RNF145: variants seen among roughly 807,000 people sequenced by gnomAD.
The protein encoded by RNF145 is ring finger protein 145.
A neutral mutation model predicts 57.3 loss-of-function variants in RNF145; 12 were observed. That is an observed-to-expected ratio of 0.21 (90% CI 0.13 to 0.34). RNF145 has a LOEUF of 0.34. Among genes scored for constraint, RNF145 ranks in the 10% least tolerant of loss-of-function variants. RNF145 has a pLI of 1.00. For synonymous variants in RNF145, 262 were observed against 288.3 expected (o/e 0.91, Z 0.92); for missense variants, 429 against 799.0 (o/e 0.54, Z 5.58).
At chr5:159,176,533 T>C in intron 5 of RNF145, 99 bp downstream of exon 5, 1 of 724,628 alleles carries the variant, frequency 1.4e-6, no homozygotes, top group South Asian at 2.0e-5. Flanking sequence ...CAAAAATGAA[T>C]GGTACCATAA....
chr5:159,206,190 C>CGACT (rs1785874452), intron 1 of RNF145, among the ~76,000 whole-genome samples: 1 of 152,154 alleles, frequency 6.6e-6, no homozygotes. Flanking sequence ...ACTACATAGT[C>CGACT]AACTCGAGAC....
At chr5:159,187,980 C>T (rs1489214609) in intron 3 of RNF145, among the ~76,000 whole-genome samples, 1 of 152,176 alleles carries the variant, frequency 6.6e-6, no homozygotes, top group African/African-American at 2.4e-5. Context: ...AGAATGAAAA[C>T]AGTATTACTT....
intron 4 of RNF145, among the ~76,000 whole-genome samples, chr5:159,181,198 T>C (rs764344395): frequency 6.6e-6 from 1 of 151,306 alleles, no homozygotes; most frequent in Non-Finnish European, 1.5e-5. Flanking sequence ...AAAAAGATGT[T>C]CCAGGGTGAG....
At position 159,168,958 on chromosome 5, in the gene RNF145, G is replaced by A; in HGVS notation, c.1036C>T (p.Leu346Phe). 6.2e-7 allele frequency: 1 copy of A among 1,610,350 alleles called. No individual in the cohort carries two copies. The highest frequency in any genetic ancestry group is 8.5e-7 in the Non-Finnish European group (1 of 1,179,066). Residue 346 changes from leucine (L) to phenylalanine (F), a missense_variant, in exon 8 of 11, where the codon CTT becomes TTT. By Grantham distance (22) the Leu-to-Phe change is conservative. This residue lies in a region of RNF145 where 216 missense variants were observed against 457.6 expected (regional missense o/e 0.47). Transcript: ENST00000424310. The part of the protein sequence containing the change: ...VHRAFLLSII[L>F]FIVVASILQS... ...AGGATAGAAGCTACGACAATGAAAAGGATAATACTGAGCAAGAATGCCCGA... is the reference window on the plus strand; with the variant it reads ...AGGATAGAAGCTACGACAATGAAAAAGATAATACTGAGCAAGAATGCCCGA...
At chr5:159,198,479 A>G (rs1280190812) in intron 2 of RNF145, among the ~76,000 whole-genome samples, 1 of 152,176 alleles carries the variant, frequency 6.6e-6, no homozygotes, top group African/African-American at 2.4e-5. Flanking sequence ...TGGAGCTGCC[A>G]GTCAGCCATG....
chr5:159,171,144 T>C (rs1275458583), intron 6 of RNF145, among the ~76,000 whole-genome samples: 1 of 152,214 alleles, frequency 6.6e-6, no homozygotes, highest in Non-Finnish European at 1.5e-5. Flanking sequence ...CCACCAATCA[T>C]GGTGGCTAAT....
At chr5:159,178,851 C>G (rs1324491484) in intron 4 of RNF145, among the ~76,000 whole-genome samples, 3 of 151,958 alleles carry the variant, frequency 2.0e-5, no homozygotes, top group South Asian at 2.1e-4. Flanking sequence ...AAAATGTCAA[C>G]CATTTTTACA....
At chr5:159,203,775 C>G in intron 1 of RNF145, 119 bp from the exon 2 acceptor site, 1 of 636,876 alleles carries the variant, frequency 1.6e-6, no homozygotes, top group Non-Finnish European at 2.7e-6. Flanking sequence ...AGAACGTATA[C>G]TACTTCTCAG....
chr5:159,208,233 G>T, intron 1 of RNF145: 1 of 1,097,586 alleles, frequency 9.1e-7, no homozygotes, highest in Non-Finnish European at 1.2e-6. Context: ...CCGGGCCGCC[G>T]CCGCCGCGGG....
chr5:159,209,513 A>C lies in RNF145; in HGVS notation c.-322T>G, dbSNP rs1287871176. ...GCAGCCGGCGCCGGCGTCGGCGGCC[A>C]TGGCCTCCTGCGTTTGCTCCTCCCG... On this transcript the variant is annotated 5_prime_UTR_variant, in exon 1 of 11. An upstream start codon of the reference 5' UTR is lost. Coordinates refer to ENST00000424310, the MANE Select transcript of RNF145 (RefSeq NM_001199383.2). 6.8e-5 allele frequency: 6 copies of C among 88,798 alleles called. No individual in the cohort carries two copies. The highest frequency in any genetic ancestry group is 7.9e-5 in the Non-Finnish European group (6 of 76,338). 5.5% of individuals were successfully genotyped at this position (88,798 alleles called of 1,614,324 possible).
intron 4 of RNF145, among the ~76,000 whole-genome samples, chr5:159,178,247 A>G (rs1464249565): frequency 2.0e-5 from 3 of 152,030 alleles, no homozygotes; most frequent in African/African-American, 4.8e-5. Context: ...AAGAAAATAA[A>G]GATCGAAGTT....
chr5:159,194,843 TA>T lies in RNF145; in HGVS notation c.185-20del, dbSNP rs1562071418. ...ATATAACCTGTACCAGAAAGATAAA[TA>T]AAATACAATTTTAATTTAGTTTCCC... On this transcript the variant is annotated intron_variant, in intron 2 of 10. Transcript: ENST00000424310. 1 of 1,469,172 alleles carries T rather than the reference TA, an allele frequency of 6.8e-7. No homozygotes were observed. Among genetic ancestry groups the T allele is most frequent in the African/African-American group, 1.4e-5 (1 of 70,574 alleles). 91.0% of individuals were successfully genotyped at this position (1,469,172 alleles called of 1,614,324 possible). A position where few individuals can be genotyped will look rare whatever the true frequency, so the allele number is the denominator to read the frequency against.
chr5:159,185,171 T>C, intron 3 of RNF145, among the ~76,000 whole-genome samples: 1 of 152,034 alleles, frequency 6.6e-6, no homozygotes, highest in Non-Finnish European at 1.5e-5. Context: ...TCCTCCAAAA[T>C]CCTCCATTTG....
chr5:159,165,859 T>A (rs1213428834), intron 8 of RNF145, among the ~76,000 whole-genome samples: 1 of 152,244 alleles, frequency 6.6e-6, no homozygotes, highest in Non-Finnish European at 1.5e-5. Context: ...CATTTTATCA[T>A]CTACTTTCTT....
chr5:159,167,644 A>C (rs1457323955), intron 8 of RNF145, among the ~76,000 whole-genome samples: 1 of 152,204 alleles, frequency 6.6e-6, no homozygotes, highest in Non-Finnish European at 1.5e-5. Flanking sequence ...GTGGCTATTT[A>C]ATTGCGCTCA....
intron 6 of RNF145, 50 bp from the exon 7 acceptor site, chr5:159,169,869 TA>T: frequency 6.7e-7 from 1 of 1,487,236 alleles, no homozygotes; most frequent in Non-Finnish European, 9.1e-7. Flanking sequence ...CCATTTGGAG[TA>T]AACACATTTG....
At chr5:159,194,940 T>C (rs1428502084) in intron 2 of RNF145, 116 bp from the exon 3 acceptor site, 9 of 682,738 alleles carry the variant, frequency 1.3e-5, no homozygotes, top group Non-Finnish European at 2.2e-5. Flanking sequence ...TTTCTGAGGT[T>C]TTTTATTATA....
intron 3 of RNF145, among the ~76,000 whole-genome samples, chr5:159,190,213 T>C (rs895997539): frequency 1.3e-5 from 2 of 152,076 alleles, no homozygotes; most frequent in South Asian, 2.1e-4. Context: ...AGTTAATTTT[T>C]TGTAGAGAAG....
intron 6 of RNF145, among the ~76,000 whole-genome samples, chr5:159,172,451 A>G (rs577914903): frequency 6.6e-6 from 1 of 152,172 alleles, no homozygotes; most frequent in South Asian, 2.1e-4. Context: ...ACTGTACTCC[A>G]GCTGGGCGAC....
Sources: allele counts gnomAD v4.1 joint callset (sites outside exome capture counted in the v4.1 genomes callset), GRCh38; gene constraint gnomAD v4.1.1; regional missense constraint gnomAD v4.1.1; transcripts MANE v1.5; gene names NCBI Gene and HGNC (gene_info 2026-07-23, HGNC 2026-07-21).